The following SLIT3 variants were observed in gnomAD, a reference collection of about 807,000 sequenced individuals.
The protein encoded by SLIT3 is slit homolog 3 protein.
SLIT3 carries 68 observed loss-of-function variants against 184.0 expected under a neutral mutation model. The observed-to-expected ratio is 0.37, with a 90% confidence interval of 0.30 to 0.45. SLIT3 has a LOEUF of 0.45. SLIT3 is among the 20% of genes least tolerant of loss of function. The pLI, the probability that SLIT3 is intolerant of heterozygous loss-of-function variation, is 1.00. For missense variants in SLIT3, 1,707 were observed against 2,026.0 expected, an observed-to-expected ratio of 0.84 and a Z score of 3.02; for synonymous variants, 831 against 828.6, an observed-to-expected ratio of 1.00 and a Z score of -0.05.
chr5:168,883,580 C>T (rs4868062), intron 4 of SLIT3, among the ~76,000 whole-genome samples: 18,396 of 152,234 alleles, frequency 0.12, 1,453 homozygotes, highest in Admixed American at 0.19. Context: ...TGGGTGGTCT[C>T]GCACCTCCAG....
intron 1 of SLIT3, among the ~76,000 whole-genome samples, chr5:169,259,540 C>T (rs985059995): frequency 6.6e-6 from 1 of 152,190 alleles, no homozygotes; most frequent in Non-Finnish European, 1.5e-5. Flanking sequence ...TTTAAGACTA[C>T]CTGTCCCCTG....
At chr5:169,087,907 G>T (rs1445320475) in intron 4 of SLIT3, among the ~76,000 whole-genome samples, 1 of 152,144 alleles carries the variant, frequency 6.6e-6, no homozygotes, top group African/African-American at 2.4e-5. Context: ...AAAACAAATT[G>T]CTCTGTAGAC....
intron 4 of SLIT3, among the ~76,000 whole-genome samples, chr5:168,946,052 T>G (rs544816979): frequency 6.6e-6 from 1 of 152,184 alleles, no homozygotes; most frequent in Non-Finnish European, 1.5e-5. Context: ...CTTACGACAA[T>G]GCTAGGGGGG....
chr5:168,670,196 T>C (rs1178121458), intron 34 of SLIT3, among the ~76,000 whole-genome samples: 1 of 152,192 alleles, frequency 6.6e-6, no homozygotes, highest in Non-Finnish European at 1.5e-5. Context: ...TGTCACCCAG[T>C]GTCCACTGTG....
chr5:169,077,176 A>AT (rs1363855117), intron 4 of SLIT3, among the ~76,000 whole-genome samples: 1 of 152,130 alleles, frequency 6.6e-6, no homozygotes, highest in African/African-American at 2.4e-5. Flanking sequence ...CATTTAATGA[A>AT]TTGTAAGTAT....
intron 5 of SLIT3, among the ~76,000 whole-genome samples, chr5:168,851,068 G>A (rs148533378): frequency 0.012 from 1,822 of 152,204 alleles, 18 homozygotes; most frequent in South Asian, 0.02. Context: ...TCACGCCTGT[G>A]ATCCCAGCAC....
chr5:169,191,147 G>A (rs923868828), intron 4 of SLIT3, among the ~76,000 whole-genome samples: 1 of 152,182 alleles, frequency 6.6e-6, no homozygotes, highest in Admixed American at 6.5e-5. Flanking sequence ...TACTGAATGC[G>A]TGAGTGAATG....
intron 1 of SLIT3, among the ~76,000 whole-genome samples, chr5:169,296,228 T>G (rs1767497920): frequency 6.6e-6 from 1 of 152,248 alleles, no homozygotes. Flanking sequence ...TCATTATTCC[T>G]TTATTAAATA....
chr5:169,007,388 G>A (rs1755975373), intron 4 of SLIT3, among the ~76,000 whole-genome samples: 1 of 152,156 alleles, frequency 6.6e-6, no homozygotes, highest in African/African-American at 2.4e-5. Context: ...AATTCCAGGG[G>A]CTCTGCCCTG....
intron 3 of SLIT3, among the ~76,000 whole-genome samples, chr5:169,198,975 C>T (rs144281798): frequency 2.2e-5 from 3 of 139,494 alleles, no homozygotes; most frequent in African/African-American, 5.2e-5. Context: ...CACACACACA[C>T]ATATGTGTGT....
intron 1 of SLIT3, among the ~76,000 whole-genome samples, chr5:169,271,927 C>T (rs534757375): frequency 1.6e-4 from 24 of 152,284 alleles, no homozygotes; most frequent in Admixed American, 3.3e-4. Flanking sequence ...ACATCTGGGT[C>T]CATAGACTCG....
Position 168,671,351 on chromosome 5 carries a change from G to A in SLIT3, c.3974C>T (p.Ser1325Phe). ...LQDFKALPPQ[S>F]LGVSPGCKSC... ...CTTGCAGCCTGGTGACACCCCCAGGGACTGTGGTGGGAGGGCCTTGAAGTC... is the reference window on the plus strand; with the variant it reads ...CTTGCAGCCTGGTGACACCCCCAGGAACTGTGGTGGGAGGGCCTTGAAGTC... The change falls in exon 34 of 36, where the codon TCC (serine) becomes TTC (phenylalanine). Residue 1325 changes from serine (S) to phenylalanine (F), a missense_variant. Ser to Phe is a radical substitution (Grantham distance 155, BLOSUM62 -2). Coordinates refer to ENST00000519560, the MANE Select transcript of SLIT3 (RefSeq NM_003062.4). The A allele has an allele frequency of 1.9e-6, 3 of 1,614,178 alleles. No homozygotes were observed. The highest frequency in any genetic ancestry group is 2.5e-6 in the Non-Finnish European group (3 of 1,180,034).
At chr5:169,207,374 C>CATACAT (rs35270521) in intron 3 of SLIT3, among the ~76,000 whole-genome samples, 9 of 67,588 alleles carry the variant, frequency 1.3e-4, no homozygotes, top group Admixed American at 7.3e-4. Context: ...CATACATACA[C>CATACAT]ACACACACAC....
chr5:169,029,630 GAACTCGAT>G (rs1256048605), intron 4 of SLIT3, among the ~76,000 whole-genome samples: 56 of 152,330 alleles, frequency 3.7e-4, no homozygotes, highest in African/African-American at 1.3e-3. Flanking sequence ...AAATAAACTG[GAACTCGAT>G]TAGTAACTTA....
At position 168,789,644 on chromosome 5, in the gene SLIT3, AC is replaced by A. The variant is rs200590301; in HGVS notation, c.1008-14del. ...CTTGCTGATGTCTCTGAAAACGTTA[AC>A]GGTAAAGTCTGAGAACATGGCTCAA... On this transcript the variant is annotated splice_polypyrimidine_tract_variant and intron_variant, in intron 10 of 35. Coordinates refer to ENST00000519560, the MANE Select transcript of SLIT3 (RefSeq NM_003062.4). 22,526 of 1,610,150 alleles carry A rather than the reference AC, an allele frequency of 0.014. 269 individuals carry two copies. The highest frequency in any genetic ancestry group is 0.048 in the South Asian group (4,395 of 90,652).
intron 4 of SLIT3, among the ~76,000 whole-genome samples, chr5:169,039,719 A>T (rs893539218): frequency 6.6e-6 from 1 of 152,196 alleles, no homozygotes; most frequent in Non-Finnish European, 1.5e-5. Flanking sequence ...GACTTGACAT[A>T]TGACATGATG....
chr5:168,922,673 A>C (rs1216517117), intron 4 of SLIT3, among the ~76,000 whole-genome samples: 1 of 152,148 alleles, frequency 6.6e-6, no homozygotes, highest in Non-Finnish European at 1.5e-5. Context: ...GTTTGGAGGC[A>C]ATGGGCAACC....
At chr5:168,959,578 C>T (rs565955712) in intron 4 of SLIT3, among the ~76,000 whole-genome samples, 28 of 152,302 alleles carry the variant, frequency 1.8e-4, no homozygotes, top group African/African-American at 2.6e-4. Flanking sequence ...TCACAGGCCC[C>T]GCCTCCAGGC....
chr5:168,781,524 T>C (rs1290452756), intron 12 of SLIT3, among the ~76,000 whole-genome samples: 1 of 152,180 alleles, frequency 6.6e-6, no homozygotes, highest in Non-Finnish European at 1.5e-5. Context: ...CTTCTTCTGC[T>C]GGAGACAATT....
Sources: allele counts gnomAD v4.1 joint callset (sites outside exome capture counted in the v4.1 genomes callset), GRCh38; gene constraint gnomAD v4.1.1; transcripts MANE v1.5; gene names NCBI Gene and HGNC (gene_info 2026-07-23, HGNC 2026-07-21).